The following TMEM131 variants were observed in gnomAD, a reference collection of about 807,000 sequenced individuals.
TMEM131 encodes transmembrane protein 131.
Under a neutral mutation model 211.6 loss-of-function variants are expected in TMEM131, and 66 were observed. The ratio of observed to expected loss-of-function variants is 0.31; its 90% confidence interval spans 0.26 to 0.38. The LOEUF is 0.38. Ranked by LOEUF, TMEM131 falls within the 10% of genes least tolerant of loss-of-function variation. The pLI, the probability that TMEM131 is intolerant of heterozygous loss-of-function variation, is 1.00. For synonymous variants in TMEM131, 844 were observed against 841.3 expected, an observed-to-expected ratio of 1.00 and a Z score of -0.06; for missense variants, 2,036 against 2,299.3, an observed-to-expected ratio of 0.89 and a Z score of 2.34.
At chr2:97,868,703 A>C (rs563460700) in intron 4 of TMEM131, among the ~76,000 whole-genome samples, 40 of 152,314 alleles carry the variant, frequency 2.6e-4, no homozygotes, top group Admixed American at 1.1e-3. Context: ...ACAACAACAA[A>C]AAGTGGGAAC....
intron 40 of TMEM131, 126 bp downstream of exon 40, chr2:97,758,767 T>C: frequency 7.9e-7 from 1 of 1,268,384 alleles, no homozygotes; most frequent in African/African-American, 1.5e-5. Context: ...ATAAAAGTAC[T>C]AACCCACCCC....
intron 1 of TMEM131, among the ~76,000 whole-genome samples, chr2:97,965,403 C>T (rs894480662): frequency 1.3e-5 from 2 of 152,214 alleles, no homozygotes; most frequent in African/African-American, 4.8e-5. Flanking sequence ...ACACTCTGGT[C>T]CCCTGGACCC....
chr2:97,893,986 T>C (rs1413463215), intron 3 of TMEM131, among the ~76,000 whole-genome samples: 1 of 152,236 alleles, frequency 6.6e-6, no homozygotes, highest in East Asian at 1.9e-4. Flanking sequence ...GCCTAGGTTT[T>C]CTTCTAGGAT....
rs1333009611 is a variant in TMEM131 at position 97,818,467 on chromosome 2, G to T, written c.1183+146C>A. On this transcript the variant is annotated intron_variant, in intron 12 of 40. Transcript: ENST00000186436. ...AGAGTTCATGATGGTTTACAGCGGG[G>T]GGGGGCGGGGGGGGATCAACCTAAG... The T allele has an allele frequency of 2.4e-4, 63 of 264,266 alleles. 3 individuals are homozygous for T. Among genetic ancestry groups the T allele is most frequent in the African/African-American group, 1.8e-3 (27 of 14,940 alleles). 16.4% of individuals were successfully genotyped at this position (264,266 alleles called of 1,614,324 possible).
intron 1 of TMEM131, among the ~76,000 whole-genome samples, chr2:97,940,113 A>G (rs1430733597): frequency 6.6e-6 from 1 of 152,200 alleles, no homozygotes; most frequent in Non-Finnish European, 1.5e-5. Flanking sequence ...AAACTGGCAC[A>G]AGACAGGGAT....
intron 3 of TMEM131, among the ~76,000 whole-genome samples, chr2:97,889,194 A>C (rs1433112233): frequency 6.6e-6 from 1 of 152,226 alleles, no homozygotes; most frequent in Non-Finnish European, 1.5e-5. Flanking sequence ...AATTTAGAAC[A>C]TTCTTTTGTG....
intron 17 of TMEM131, 133 bp downstream of exon 17, chr2:97,812,288 T>C (rs1681582248): frequency 1.9e-6 from 2 of 1,043,494 alleles, no homozygotes; most frequent in African/African-American, 3.2e-5. Flanking sequence ...TATAAGGTCC[T>C]TTTAATAGCA....
intron 4 of TMEM131, among the ~76,000 whole-genome samples, chr2:97,881,799 T>C (rs780368465): frequency 1.8e-4 from 28 of 151,556 alleles, no homozygotes; most frequent in Non-Finnish European, 3.7e-4. Context: ...TATTACAGTA[T>C]TCTAATCTTT....
intron 11 of TMEM131, among the ~76,000 whole-genome samples, chr2:97,826,351 G>A (rs1402257503): frequency 6.6e-6 from 1 of 152,162 alleles, no homozygotes; most frequent in East Asian, 1.9e-4. Flanking sequence ...TGCCCATGCT[G>A]CAATATGGAA....
At chr2:97,758,063 C>T (rs926297110) in intron 40 of TMEM131, among the ~76,000 whole-genome samples, 12 of 150,432 alleles carry the variant, frequency 8.0e-5, no homozygotes, top group East Asian at 2.0e-4. Context: ...ACCCAGGAGG[C>T]GGAGCTTGCA....
At chr2:97,826,760 G>A (rs561886141) in intron 11 of TMEM131, among the ~76,000 whole-genome samples, 1 of 152,188 alleles carries the variant, frequency 6.6e-6, no homozygotes, top group African/African-American at 2.4e-5. Context: ...TAAAAGCCAG[G>A]GTAAATTTAA....
chr2:97,805,792 A>G, intron 19 of TMEM131, 89 bp from the exon 20 acceptor site: 2 of 1,168,280 alleles, frequency 1.7e-6, no homozygotes, highest in African/African-American at 3.1e-5. Flanking sequence ...GCATACTTCT[A>G]GGAAACCAAA....
chr2:97,795,972 G>C (rs181187551), intron 28 of TMEM131, among the ~76,000 whole-genome samples: 4 of 151,774 alleles, frequency 2.6e-5, no homozygotes, highest in Non-Finnish European at 4.4e-5. Context: ...GATCCACTTC[G>C]GAGATAAAGT....
rs536070604 is a variant in TMEM131, at chr2:97,979,969, C to T, written c.187+15507G>A. 2.0e-4 allele frequency among the ~76,000 whole-genome samples: 31 copies of T among 152,232 alleles called. 1 individual carries two copies. The South Asian group carries it at 5.8e-3, about 29-fold the overall frequency. ...TTCCTTTCACTTGAACACTTAGATG[C>T]TATTTAGTACTACTAATTGTCCTAA... is the stretch of plus-strand genomic sequence containing the variant. On this transcript the variant is annotated intron_variant, in intron 1 of 40. Coordinates refer to ENST00000186436, the MANE Select transcript of TMEM131 (RefSeq NM_015348.2).
intron 35 of TMEM131, 137 bp from the exon 36 acceptor site, chr2:97,762,337 T>A: frequency 1.2e-6 from 1 of 861,598 alleles, no homozygotes; most frequent in Non-Finnish European, 1.8e-6. Context: ...CTTAGATGTG[T>A]TCTGTTTAAC....
At chr2:97,893,745 T>G (rs1675483307) in intron 3 of TMEM131, among the ~76,000 whole-genome samples, 1 of 151,390 alleles carries the variant, frequency 6.6e-6, no homozygotes, top group East Asian at 1.9e-4. Flanking sequence ...TTTTTTTTTC[T>G]TGTAAATTTA....
intron 1 of TMEM131, among the ~76,000 whole-genome samples, chr2:97,966,398 T>C (rs1399489017): frequency 6.6e-6 from 1 of 152,168 alleles, no homozygotes; most frequent in Non-Finnish European, 1.5e-5. Flanking sequence ...CTTCAAATCT[T>C]AATTCTTTGA....
At chr2:97,791,745 A>G (rs1215983832) in intron 31 of TMEM131, among the ~76,000 whole-genome samples, 1 of 152,182 alleles carries the variant, frequency 6.6e-6, no homozygotes, top group Non-Finnish European at 1.5e-5. Flanking sequence ...CTGGGTTTTG[A>G]GGTCATCTGT....
intron 4 of TMEM131, among the ~76,000 whole-genome samples, chr2:97,879,864 T>A (rs1468673624): frequency 6.6e-6 from 1 of 152,188 alleles, no homozygotes; most frequent in Non-Finnish European, 1.5e-5. Context: ...CTATTAGTAG[T>A]TAAGTTTTTG....
Sources: allele counts gnomAD v4.1 joint callset (sites outside exome capture counted in the v4.1 genomes callset), GRCh38; gene constraint gnomAD v4.1.1; transcripts MANE v1.5; gene names NCBI Gene and HGNC (gene_info 2026-07-23, HGNC 2026-07-21).